Variants in SLC9A6 observed in about 807,000 individuals in gnomAD.
SLC9A6 encodes the protein sodium/hydrogen exchanger 6.
A neutral mutation model predicts 45.3 loss-of-function variants in SLC9A6; 6 were observed. The ratio of observed to expected loss-of-function variants is 0.13; its 90% CI spans 0.07 to 0.26. The LOEUF (loss-of-function observed/expected upper bound fraction) is 0.26, where lower values mean the gene tolerates loss of function less well. SLC9A6 is among the 10% of genes least tolerant of loss of function. The pLI is 1.00. For synonymous variants in SLC9A6, 191 were observed against 187.7 expected, an observed-to-expected ratio of 1.02 and a Z score of -0.14; for missense variants, 278 against 503.7, an observed-to-expected ratio of 0.55 and a Z score of 4.29.
At chrX:135,987,501 G>A (rs1215846478) in intron 2 of SLC9A6, among the ~76,000 whole-genome samples, 1 of 111,032 alleles carries the variant, frequency 9.0e-6, no homozygotes, top group African/African-American at 3.3e-5. Context: ...TTCTTTTATA[G>A]AGAGAGATAG....
intron 11 of SLC9A6, among the ~76,000 whole-genome samples, chrX:136,020,823 A>G (rs1556619853): frequency 9.2e-6 from 1 of 108,575 alleles, no homozygotes; most frequent in African/African-American, 3.3e-5. Flanking sequence ...ATATATCCTC[A>G]TCATTGTTTT....
intron 11 of SLC9A6, among the ~76,000 whole-genome samples, chrX:136,020,010 A>T (rs781897778): frequency 2.7e-5 from 3 of 112,191 alleles, no homozygotes; most frequent in Non-Finnish European, 3.8e-5. Flanking sequence ...CCATGATTAG[A>T]CTGGAGTTAC....
At chrX:135,983,465 C>G (rs1202068425), upstream of SLC9A6, 1 of 107,762 alleles carries the variant, frequency 9.3e-6, no homozygotes, top group Admixed American at 1.0e-4. Flanking sequence ...GTGTAGGCGT[C>G]AGAAGTATAG....
upstream of SLC9A6, chrX:135,983,624 G>T (rs1363645073): frequency 9.2e-6 from 1 of 108,725 alleles, no homozygotes; most frequent in African/African-American, 3.4e-5. Context: ...AGTTGCTGGG[G>T]CCACATAAAC....
chrX:136,018,046 G>T (rs1278825758), intron 11 of SLC9A6, among the ~76,000 whole-genome samples: 2 of 112,175 alleles, frequency 1.8e-5, no homozygotes, highest in African/African-American at 6.5e-5. Context: ...GAAAGCCGAA[G>T]TGCCTTTTGT....
chrX:136,044,726 C>T lies in SLC9A6; in HGVS notation c.*2C>T. The T allele has an allele frequency of 8.3e-7, 1 of 1,208,197 alleles. No individual in the cohort carries two copies. Among genetic ancestry groups the T allele is most frequent in the African/African-American group, 1.7e-5 (1 of 57,675 alleles). On this transcript the variant is annotated 3_prime_UTR_variant, in exon 18 of 18. Transcript: ENST00000630721. Reference sequence around the variant, plus strand: ...AATACGAGACATGGTCCAGCCTAAGCTTACTAATACTCACTTAGTGATTTG... The same window carrying T: ...AATACGAGACATGGTCCAGCCTAAGTTTACTAATACTCACTTAGTGATTTG...
At chrX:136,036,246 T>A (rs2071411513) in intron 16 of SLC9A6, among the ~76,000 whole-genome samples, 1 of 111,917 alleles carries the variant, frequency 8.9e-6, no homozygotes, top group Non-Finnish European at 1.9e-5. Context: ...TCATATGGTT[T>A]AATTTGCATT....
chrX:135,985,974 G>A, intron 2 of SLC9A6, 147 bp downstream of exon 2: 1 of 671,512 alleles, frequency 1.5e-6, no homozygotes. Context: ...CCCCTACCCC[G>A]CGTTTCTCTG....
intron 3 of SLC9A6, among the ~76,000 whole-genome samples, chrX:135,996,019 T>G (rs1226808943): frequency 9.6e-6 from 1 of 103,684 alleles, no homozygotes; most frequent in East Asian, 3.0e-4. Flanking sequence ...TTGGCAGGAC[T>G]TGACTTTTTT....
chrX:136,022,311 T>C (rs1262461670), intron 11 of SLC9A6, among the ~76,000 whole-genome samples: 1 of 112,372 alleles, frequency 8.9e-6, no homozygotes, highest in Non-Finnish European at 1.9e-5. Flanking sequence ...CCAAATGTGA[T>C]TATTTTAATT....
chrX:136,000,783 T>G (rs2089569757), intron 6 of SLC9A6, among the ~76,000 whole-genome samples: 1 of 111,681 alleles, frequency 9.0e-6, no homozygotes, highest in Admixed American at 9.5e-5. Context: ...TGAGCTTTGG[T>G]ATCAGTATAT....
At chrX:136,039,293 G>C (rs1283636417) in intron 16 of SLC9A6, among the ~76,000 whole-genome samples, 1 of 104,377 alleles carries the variant, frequency 9.6e-6, no homozygotes, top group East Asian at 3.0e-4. Flanking sequence ...GAGCGACACT[G>C]TCTCAAAAAA....
chrX:135,985,329 G>C (rs2089312723), upstream of SLC9A6: 1 of 315,340 alleles, frequency 3.2e-6, no homozygotes, highest in Admixed American at 6.3e-5. Context: ...GGGACAGAGG[G>C]GCAAAGGAAC....
At chrX:136,007,188 A>G (rs955381876) in intron 7 of SLC9A6, among the ~76,000 whole-genome samples, 2 of 110,943 alleles carry the variant, frequency 1.8e-5, no homozygotes, top group Non-Finnish European at 3.8e-5. Context: ...TGATAATGAC[A>G]TAGTACAGTC....
chrX:136,039,295 C>T (rs1406706421), intron 16 of SLC9A6, among the ~76,000 whole-genome samples: 16 of 103,685 alleles, frequency 1.5e-4, no homozygotes, highest in Non-Finnish European at 2.2e-4. Context: ...GCGACACTGT[C>T]TCAAAAAAAA....
upstream of SLC9A6, chrX:135,973,870 A>C: frequency 8.6e-7 from 1 of 1,157,138 alleles, no homozygotes; most frequent in Non-Finnish European, 1.2e-6. Flanking sequence ...AGAAAGCTAC[A>C]CGGAAAAAGG....
At chrX:135,987,608 G>C (rs1399038974) in intron 2 of SLC9A6, among the ~76,000 whole-genome samples, 1 of 109,436 alleles carries the variant, frequency 9.1e-6, no homozygotes, top group African/African-American at 3.3e-5. Context: ...TGTTGATCTT[G>C]TGGATACGTA....
intron 1 of SLC9A6, among the ~76,000 whole-genome samples, chrX:135,979,750 A>G (rs960157822): frequency 8.0e-5 from 9 of 111,818 alleles, no homozygotes; most frequent in African/African-American, 2.6e-4. Flanking sequence ...TGGCCTCCCT[A>G]GTACTTACCT....
chrX:136,030,977 TA>T (rs1255693825), intron 15 of SLC9A6, among the ~76,000 whole-genome samples: 38 of 111,753 alleles, frequency 3.4e-4, no homozygotes, highest in African/African-American at 1.1e-3. Flanking sequence ...AGGGTGAGGT[TA>T]AAAAAAACAT....
Sources: gnomAD v4.1 joint callset for allele counts (sites outside exome capture counted in the v4.1 genomes callset) on GRCh38, gnomAD v4.1.1 for gene constraint, MANE v1.5 for transcripts, NCBI Gene and HGNC (gene_info 2026-07-23, HGNC 2026-07-21) for gene names.